The following COL5A2 variants were observed in gnomAD, a reference collection of about 807,000 sequenced individuals.
The protein encoded by COL5A2 is collagen alpha-2(V) chain.
A neutral mutation model predicts 208.2 loss-of-function variants in COL5A2; 23 were observed. The ratio of observed to expected loss-of-function variants is 0.11; its 90% CI spans 0.08 to 0.16. The LOEUF is 0.16. Ranked by LOEUF, COL5A2 falls within the 10% of genes least tolerant of loss-of-function variation. COL5A2 has a pLI of 1.00. For synonymous variants in COL5A2, 625 were observed against 628.5 expected (o/e 0.99, Z 0.08); for missense variants, 1,590 against 1,956.4 (o/e 0.81, Z 3.53).
chr2:189,097,379 T>C (rs759393926), intron 5 of COL5A2, 49 bp from the exon 6 acceptor site: 1 of 1,594,458 alleles, frequency 6.3e-7, no homozygotes, highest in Non-Finnish European at 8.6e-7. Context: ...TACTTTCTTA[T>C]TGAATTTTTA....
intron 1 of COL5A2, among the ~76,000 whole-genome samples, chr2:189,118,558 C>T (rs1687440807): frequency 6.6e-6 from 1 of 152,146 alleles, no homozygotes; most frequent in African/African-American, 2.4e-5. Flanking sequence ...ATCCACCAAA[C>T]ATTCCACAGT....
chr2:189,154,292 C>T (rs1333810915), intron 1 of COL5A2, among the ~76,000 whole-genome samples: 1 of 152,176 alleles, frequency 6.6e-6, no homozygotes, highest in African/African-American at 2.4e-5. Context: ...ATAGCAGTAA[C>T]ACCAACAAAA....
the COL5A2 span, among the ~76,000 whole-genome samples, chr2:189,384,269 T>A: frequency 6.6e-6 from 1 of 152,160 alleles, no homozygotes; most frequent in Non-Finnish European, 1.5e-5. Flanking sequence ...GGATGTATAC[T>A]CAGCAGTAGG....
chr2:189,302,797 C>G, the COL5A2 span, among the ~76,000 whole-genome samples: 1,913 of 152,196 alleles, frequency 0.013, 34 homozygotes, highest in African/African-American at 0.044. Flanking sequence ...TCTGTCAGTC[C>G]CCTAGTAGCT....
intron 2 of COL5A2, among the ~76,000 whole-genome samples, chr2:189,108,911 T>C (rs902316315): frequency 7.2e-5 from 11 of 151,894 alleles, no homozygotes; most frequent in Non-Finnish European, 1.6e-4. Context: ...ATTTCTTTTC[T>C]GACCATTACT....
chr2:189,286,103 A>C, the COL5A2 span, among the ~76,000 whole-genome samples: 1 of 152,096 alleles, frequency 6.6e-6, no homozygotes, highest in East Asian at 1.9e-4. Context: ...TGAAAAAAAA[A>C]AAAGACTGAA....
intron 45 of COL5A2, among the ~76,000 whole-genome samples, chr2:189,047,676 C>T (rs1576491939): frequency 6.6e-6 from 1 of 152,268 alleles, no homozygotes; most frequent in East Asian, 1.9e-4. Flanking sequence ...GTGATTTTGC[C>T]TTCAGTGGCC....
Position 189,034,965 on chromosome 2 carries a change from G to A in COL5A2, c.4304C>T (p.Ala1435Val). Residue 1435 changes from alanine (A) to valine (V), a missense_variant, in exon 53 of 54, where the codon GCA becomes GTA. Ala to Val is a moderately conservative substitution (Grantham distance 64). Coordinates refer to ENST00000374866, the MANE Select transcript of COL5A2 (RefSeq NM_000393.5). ...ATACCGGAATCTAATATTTCCCTCT[G>A]CTTTGATATCTAAGTCATTTGCCCC... The part of the protein sequence containing the change: ...LKGANDLDIK[A>V]EGNIRFRYIV... The A allele has an allele frequency of 6.2e-7, 1 of 1,613,804 alleles. No homozygotes were observed. The highest frequency in any genetic ancestry group is 8.5e-7 in the Non-Finnish European group (1 of 1,179,814).
chr2:189,311,852 C>A, the COL5A2 span: 2 of 1,294,978 alleles, frequency 1.5e-6, no homozygotes, highest in Non-Finnish European at 2.2e-6. Context: ...CAAGCCAGAG[C>A]TGGCAATCTG....
intron 47 of COL5A2, 94 bp downstream of exon 47, chr2:189,045,085 C>A: frequency 1.3e-6 from 1 of 791,532 alleles, no homozygotes; most frequent in Non-Finnish European, 1.9e-6. Flanking sequence ...TGAGGAATTT[C>A]ATATTTTTCA....
the COL5A2 span, among the ~76,000 whole-genome samples, chr2:189,427,178 G>A: frequency 6.6e-6 from 1 of 152,226 alleles, no homozygotes; most frequent in Non-Finnish European, 1.5e-5. Context: ...GCAGCCTCAG[G>A]AAACTGTTCC....
At chr2:189,056,943 C>T (rs1685912104) in intron 35 of COL5A2, 30 bp downstream of exon 35, 1 of 1,610,914 alleles carries the variant, frequency 6.2e-7, no homozygotes, top group South Asian at 1.1e-5. Context: ...TGGTTCCTAG[C>T]CCAGCTAGAA....
intron 1 of COL5A2, among the ~76,000 whole-genome samples, chr2:189,207,857 ATT>A (rs1190040936): frequency 2.0e-5 from 3 of 151,916 alleles, no homozygotes; most frequent in Non-Finnish European, 4.4e-5. Flanking sequence ...ATCCTTTTGA[ATT>A]TTTTTCTCAC....
chr2:189,363,641 G>A, the COL5A2 span, among the ~76,000 whole-genome samples: 1 of 151,736 alleles, frequency 6.6e-6, no homozygotes, highest in African/African-American at 2.4e-5. Context: ...AGAAAAGTAT[G>A]GTACTAACAG....
intron 1 of COL5A2, among the ~76,000 whole-genome samples, chr2:189,132,172 T>C (rs1390370828): frequency 2.0e-5 from 3 of 152,346 alleles, no homozygotes; most frequent in Admixed American, 6.5e-5. Flanking sequence ...AGCCACGTTT[T>C]GCATCTATTT....
chr2:189,177,228 A>G (rs1263979729), intron 1 of COL5A2, among the ~76,000 whole-genome samples: 1 of 152,226 alleles, frequency 6.6e-6, no homozygotes. Flanking sequence ...AAATTTGAAA[A>G]ATGTACTTGC....
At chr2:189,251,838 A>T in the COL5A2 span, among the ~76,000 whole-genome samples, 4 of 152,312 alleles carry the variant, frequency 2.6e-5, no homozygotes, top group Admixed American at 1.3e-4. Flanking sequence ...AAAGAATGGG[A>T]GAAAAATTTT....
intron 1 of COL5A2, among the ~76,000 whole-genome samples, chr2:189,139,224 G>C (rs905372816): frequency 3.3e-5 from 5 of 152,118 alleles, no homozygotes; most frequent in Non-Finnish European, 2.9e-5. Context: ...GCAGGGAGCT[G>C]AGATCACGCC....
At chr2:189,334,627 A>G in the COL5A2 span, among the ~76,000 whole-genome samples, 2 of 152,078 alleles carry the variant, frequency 1.3e-5, no homozygotes, top group African/African-American at 4.8e-5. Context: ...TAAAATTGGA[A>G]GACTAAAATT....
Sources: gnomAD v4.1 joint callset for allele counts (sites outside exome capture counted in the v4.1 genomes callset) on GRCh38, gnomAD v4.1.1 for gene constraint, MANE v1.5 for transcripts, NCBI Gene and HGNC (gene_info 2026-07-23, HGNC 2026-07-21) for gene names.